The following ELMO1 variants were observed in gnomAD, a reference collection of about 807,000 sequenced individuals.
ELMO1 encodes the protein engulfment and cell motility protein 1.
In ELMO1, 26 loss-of-function variants were observed where a neutral mutation model predicts 98.9. The ratio of observed to expected loss-of-function variants is 0.26; its 90% CI spans 0.19 to 0.36. ELMO1 has a LOEUF of 0.36. ELMO1 is among the 10% of genes least tolerant of loss of function. The pLI, the probability that ELMO1 is intolerant of heterozygous loss-of-function variation, is 1.00. For synonymous variants in ELMO1, 346 were observed against 346.0 expected (o/e 1.00, Z 0.00); for missense variants, 627 against 935.2 (o/e 0.67, Z 4.30).
intron 13 of ELMO1, among the ~76,000 whole-genome samples, chr7:37,203,377 T>C (rs747674168): frequency 6.6e-6 from 1 of 152,168 alleles, no homozygotes; most frequent in Non-Finnish European, 1.5e-5. Context: ...TCTCCAGAGT[T>C]GGAAGAGTGA....
At chr7:37,156,940 C>T (rs901849857) in intron 13 of ELMO1, among the ~76,000 whole-genome samples, 1 of 152,166 alleles carries the variant, frequency 6.6e-6, no homozygotes, top group Admixed American at 6.6e-5. Context: ...CAAACCAAAT[C>T]GAGCAGCACA....
intron 8 of ELMO1, among the ~76,000 whole-genome samples, chr7:37,228,046 T>G (rs192515933): frequency 3.9e-5 from 6 of 152,378 alleles, no homozygotes; most frequent in Admixed American, 2.0e-4. Flanking sequence ...TACAGTCCTA[T>G]GTACAAGTCT....
At chr7:37,089,424 G>C (rs1783953792) in intron 15 of ELMO1, among the ~76,000 whole-genome samples, 1 of 151,934 alleles carries the variant, frequency 6.6e-6, no homozygotes, top group African/African-American at 2.4e-5. Flanking sequence ...AGGTGAATTT[G>C]GCAAAACTGT....
intron 5 of ELMO1, among the ~76,000 whole-genome samples, chr7:37,268,682 G>A (rs1450735292): frequency 1.3e-5 from 2 of 152,210 alleles, no homozygotes; most frequent in Non-Finnish European, 2.9e-5. Flanking sequence ...TAGAGAGACT[G>A]TCTAAAGATG....
chr7:37,091,510 T>A (rs1784091728), intron 15 of ELMO1, among the ~76,000 whole-genome samples: 1 of 152,160 alleles, frequency 6.6e-6, no homozygotes, highest in South Asian at 2.1e-4. Context: ...TCTTAATGAC[T>A]TCACATTGAC....
chr7:36,878,464 G>C (rs1012782912), intron 18 of ELMO1, among the ~76,000 whole-genome samples: 1 of 151,468 alleles, frequency 6.6e-6, no homozygotes, highest in African/African-American at 2.4e-5. Context: ...ACAAAAGAGG[G>C]AGGGAGATAT....
chr7:37,114,491 C>T (rs1785445006), intron 14 of ELMO1, among the ~76,000 whole-genome samples: 1 of 152,132 alleles, frequency 6.6e-6, no homozygotes, highest in Non-Finnish European at 1.5e-5. Context: ...GAGCCAGAGA[C>T]TTTAGTCACT....
rs1802045176 is a variant in ELMO1 at position 36,854,418 on chromosome 7, T to A, written c.*1133A>T. On this transcript the variant is annotated 3_prime_UTR_variant, in exon 22 of 22. Transcript: ENST00000310758. ...TAAGGGAATGTTATTTTCAGGAAGA[T>A]GTTTGGGATTAAAATAATTAAAAAA... is the stretch of plus-strand genomic sequence containing the variant. The A allele has an allele frequency of 6.6e-6, 1 of 152,506 alleles. No homozygotes were observed. The highest frequency in any genetic ancestry group is 1.5e-5 in the Non-Finnish European group (1 of 68,030). 9.4% of individuals were successfully genotyped at this position (152,506 alleles called of 1,614,324 possible).
chr7:36,924,689 G>A (rs1161309949), intron 16 of ELMO1, among the ~76,000 whole-genome samples: 1 of 152,112 alleles, frequency 6.6e-6, no homozygotes, highest in Non-Finnish European at 1.5e-5. Context: ...GTTATAGGGG[G>A]GAGGAAGAGT....
At chr7:37,269,038 A>G (rs532798356) in intron 5 of ELMO1, among the ~76,000 whole-genome samples, 1 of 152,392 alleles carries the variant, frequency 6.6e-6, no homozygotes, top group African/African-American at 2.4e-5. Context: ...TTCGAAAGCT[A>G]GTATAACACC....
chr7:37,041,803 C>A (rs1234627916), intron 15 of ELMO1, among the ~76,000 whole-genome samples: 1 of 152,070 alleles, frequency 6.6e-6, no homozygotes, highest in Non-Finnish European at 1.5e-5. Context: ...TGGCTGTGAG[C>A]CCTGCGACGG....
intron 13 of ELMO1, among the ~76,000 whole-genome samples, chr7:37,188,516 T>TAATAAA: frequency 8.0e-6 from 1 of 124,622 alleles, no homozygotes; most frequent in Admixed American, 7.9e-5. Flanking sequence ...ATAATAATAA[T>TAATAAA]AATAATAATA....
chr7:37,119,688 C>T (rs1176021795), intron 14 of ELMO1, among the ~76,000 whole-genome samples: 3 of 152,174 alleles, frequency 2.0e-5, no homozygotes, highest in Non-Finnish European at 2.9e-5. Flanking sequence ...GACTTATTTA[C>T]TTGACATATT....
chr7:37,279,607 AC>A (rs1165857600), intron 4 of ELMO1, among the ~76,000 whole-genome samples: 1 of 152,152 alleles, frequency 6.6e-6, no homozygotes, highest in African/African-American at 2.4e-5. Context: ...GAAGTTTCCG[AC>A]CTTACCTGGA....
intron 15 of ELMO1, among the ~76,000 whole-genome samples, chr7:37,089,996 A>G (rs1431395567): frequency 1.3e-5 from 2 of 152,210 alleles, no homozygotes; most frequent in African/African-American, 4.8e-5. Flanking sequence ...AAAACACGAG[A>G]GAAAGTGTGC....
At chr7:37,249,528 T>A (rs1022893671) in intron 6 of ELMO1, among the ~76,000 whole-genome samples, 1 of 152,294 alleles carries the variant, frequency 6.6e-6, no homozygotes. Context: ...TTCCCCAGAT[T>A]AGTGAGAACT....
At chr7:37,291,966 CCTCTCTTT>C (rs879900108) in intron 4 of ELMO1, among the ~76,000 whole-genome samples, 39,958 of 87,806 alleles carry the variant, frequency 0.46, 9,337 homozygotes, top group East Asian at 0.65. Flanking sequence ...TCTCCCTCTC[CCTCTCTTT>C]CCACGGTCTC....
At chr7:37,250,070 C>T (rs188960208) in intron 6 of ELMO1, among the ~76,000 whole-genome samples, 71 of 152,118 alleles carry the variant, frequency 4.7e-4, no homozygotes, top group Admixed American at 4.6e-3. Context: ...CAGAGCAAGA[C>T]TCTGACTCAA....
chr7:36,885,598 A>C (rs1275077283), intron 18 of ELMO1, among the ~76,000 whole-genome samples: 1 of 152,164 alleles, frequency 6.6e-6, no homozygotes, highest in African/African-American at 2.4e-5. Context: ...CTTATAAATC[A>C]TCTTTATGGG....
Sources: allele counts gnomAD v4.1 joint callset (sites outside exome capture counted in the v4.1 genomes callset), GRCh38; gene constraint gnomAD v4.1.1; transcripts MANE v1.5; gene names NCBI Gene and HGNC (gene_info 2026-07-23, HGNC 2026-07-21).